Variants in FAT4 observed in about 807,000 individuals in gnomAD.
FAT4 encodes protocadherin Fat 4.
FAT4 carries 84 observed loss-of-function variants against 303.9 expected under a neutral mutation model. The observed-to-expected ratio is 0.28, with a 90% CI of 0.23 to 0.33. The LOEUF (loss-of-function observed/expected upper bound fraction) is 0.33, where lower values mean the gene tolerates loss of function less well. Among genes scored for constraint, FAT4 ranks in the 10% least tolerant of loss-of-function variants. The pLI, the probability that FAT4 is intolerant of heterozygous loss-of-function variation, is 1.00. For synonymous variants in FAT4, 2,307 were observed against 2,298.8 expected (o/e 1.00, Z -0.10); for missense variants, 6,005 against 6,146.8 (o/e 0.98, Z 0.77).
intron 3 of FAT4, among the ~76,000 whole-genome samples, chr4:125,401,933 C>T (rs1039372997): frequency 6.6e-5 from 10 of 151,746 alleles, no homozygotes; most frequent in African/African-American, 2.4e-4. Flanking sequence ...GCATTATTTC[C>T]ACTGCAGTGA....
At chr4:125,468,485 C>A in intron 11 of FAT4, 27 bp from the exon 12 acceptor site, 2 of 1,388,566 alleles carry the variant, frequency 1.4e-6, no homozygotes, top group South Asian at 2.1e-5. Context: ...AAATTTTATG[C>A]CAGTTTGTCA....
At chr4:125,341,294 A>G (rs938090719) in intron 2 of FAT4, among the ~76,000 whole-genome samples, 1 of 152,304 alleles carries the variant, frequency 6.6e-6, no homozygotes, top group East Asian at 1.9e-4. Context: ...TCTTTTGCTT[A>G]GCACAGAATG....
intron 10 of FAT4, among the ~76,000 whole-genome samples, chr4:125,459,124 AAAT>A (rs1726394782): frequency 6.6e-6 from 1 of 152,060 alleles, no homozygotes; most frequent in African/African-American, 2.4e-5. Flanking sequence ...GGAGATTTAA[AAAT>A]AATATTTATG....
intron 2 of FAT4, among the ~76,000 whole-genome samples, chr4:125,331,201 G>A (rs2125957746): frequency 6.6e-6 from 1 of 152,236 alleles, no homozygotes; most frequent in East Asian, 1.9e-4. Flanking sequence ...GTTTCATGAG[G>A]GGAAAGCTTT....
At position 125,477,324 on chromosome 4, in the gene FAT4, A is replaced by G. The variant is rs1727063989; in HGVS notation, c.12469A>G (p.Ile4157Val). Reference sequence around the variant, plus strand: ...CAGCCAAGCTTTGGCAGCACAAGGCATCCTAGATCAGTATGGCGATTTTAT... The same window carrying G: ...CAGCCAAGCTTTGGCAGCACAAGGCGTCCTAGATCAGTATGGCGATTTTAT... ...EPSQALAAQG[I>V]LDQCPRLEGA... Residue 4157 changes from isoleucine to valine, a missense_variant, in exon 14 of 18, where the codon ATC (isoleucine) becomes GTC (valine). Coordinates refer to ENST00000394329, the MANE Select transcript of FAT4 (RefSeq NM_001291303.3). 6.4e-7 allele frequency: 1 copy of G among 1,566,652 alleles called. No homozygotes were observed. Among genetic ancestry groups the G allele is most frequent in the East Asian group, 2.3e-5 (1 of 42,708 alleles).
intron 11 of FAT4, among the ~76,000 whole-genome samples, chr4:125,467,874 A>C (rs1726719556): frequency 6.6e-6 from 1 of 152,192 alleles, no homozygotes; most frequent in Non-Finnish European, 1.5e-5. Context: ...TAAAAGATCA[A>C]CAAATTTGGG....
chr4:125,478,620 C>T (rs1451810640), intron 14 of FAT4, among the ~76,000 whole-genome samples: 1 of 152,072 alleles, frequency 6.6e-6, no homozygotes. Context: ...CAACCTCCAC[C>T]TCCTGGGTTC....
intron 2 of FAT4, among the ~76,000 whole-genome samples, chr4:125,374,100 G>A (rs950913515): frequency 9.9e-5 from 15 of 152,018 alleles, no homozygotes; most frequent in African/African-American, 3.6e-4. Context: ...TTTATTCAAA[G>A]GCATCAGATG....
chr4:125,338,120 C>T (rs1266454839), intron 2 of FAT4, among the ~76,000 whole-genome samples: 1 of 152,036 alleles, frequency 6.6e-6, no homozygotes, highest in East Asian at 1.9e-4. Flanking sequence ...CATCCCTGTT[C>T]TTAGATGAAG....
At chr4:125,365,082 G>A (rs941812202) in intron 2 of FAT4, among the ~76,000 whole-genome samples, 2 of 152,114 alleles carry the variant, frequency 1.3e-5, no homozygotes, top group Admixed American at 6.5e-5. Context: ...GAATGTAGAT[G>A]TGGAAGATGA....
intron 2 of FAT4, among the ~76,000 whole-genome samples, chr4:125,375,636 A>G (rs1733285271): frequency 6.6e-6 from 1 of 152,218 alleles, no homozygotes; most frequent in African/African-American, 2.4e-5. Flanking sequence ...CTAGTTCAGT[A>G]ATTTTCTTTA....
chr4:125,428,520 A>G (rs1048937859), intron 7 of FAT4, among the ~76,000 whole-genome samples: 1 of 152,272 alleles, frequency 6.6e-6, no homozygotes, highest in Non-Finnish European at 1.5e-5. Context: ...CTCTCTTCCC[A>G]TGAGTGTGTG....
At chr4:125,352,566 T>C (rs1455975201) in intron 2 of FAT4, among the ~76,000 whole-genome samples, 1 of 151,770 alleles carries the variant, frequency 6.6e-6, no homozygotes, top group Non-Finnish European at 1.5e-5. Context: ...AAAAACTTCT[T>C]TTTCCATTGT....
At chr4:125,462,626 T>A (rs144946867) in intron 10 of FAT4, among the ~76,000 whole-genome samples, 1 of 152,002 alleles carries the variant, frequency 6.6e-6, no homozygotes, top group Non-Finnish European at 1.5e-5. Flanking sequence ...CCAAGTTTTA[T>A]ACACCACGTG....
intron 2 of FAT4, among the ~76,000 whole-genome samples, chr4:125,376,373 A>G (rs1000147150): frequency 6.6e-6 from 1 of 152,136 alleles, no homozygotes; most frequent in Non-Finnish European, 1.5e-5. Flanking sequence ...TGAAAAAACT[A>G]TTTGAACAAT....
intron 2 of FAT4, among the ~76,000 whole-genome samples, chr4:125,325,474 A>G (rs972568652): frequency 2.0e-5 from 3 of 152,190 alleles, no homozygotes; most frequent in African/African-American, 7.2e-5. Flanking sequence ...TGATAAAAAG[A>G]AAAGATTATG....
intron 7 of FAT4, among the ~76,000 whole-genome samples, chr4:125,430,840 A>G (rs17009641): frequency 0.15 from 23,473 of 152,170 alleles, 2,176 homozygotes; most frequent in East Asian, 0.39. Flanking sequence ...AGAATCATTT[A>G]CTAATCTCAA....
intron 7 of FAT4, among the ~76,000 whole-genome samples, chr4:125,427,780 A>G (rs1041827064): frequency 2.0e-5 from 3 of 152,174 alleles, no homozygotes; most frequent in Non-Finnish European, 2.9e-5. Context: ...AAGAAAGAAA[A>G]TGGCTTTGTT....
intron 2 of FAT4, among the ~76,000 whole-genome samples, chr4:125,364,578 C>T (rs547258345): frequency 1.3e-4 from 19 of 150,514 alleles, no homozygotes; most frequent in African/African-American, 3.2e-4. Flanking sequence ...ATTTAAACTG[C>T]GATACGAAGG....
Sources: gnomAD v4.1 joint callset for allele counts (sites outside exome capture counted in the v4.1 genomes callset) on GRCh38, gnomAD v4.1.1 for gene constraint, MANE v1.5 for transcripts, NCBI Gene and HGNC (gene_info 2026-07-23, HGNC 2026-07-21) for gene names.